TLR7: variants seen among roughly 807,000 people sequenced by gnomAD.
TLR7 encodes the protein toll-like receptor 7.
Under a neutral mutation model 38.3 loss-of-function variants are expected in TLR7, and 12 were observed. The ratio of observed to expected loss-of-function variants is 0.31; its 90% CI spans 0.20 to 0.51. The LOEUF is 0.51. Among genes scored for constraint, TLR7 ranks in the 20% least tolerant of loss-of-function variants. The pLI, the probability that TLR7 is intolerant of heterozygous loss-of-function variation, is 0.98. For missense variants in TLR7, 504 were observed against 743.4 expected (o/e 0.68, Z 3.74); for synonymous variants, 285 against 293.8 (o/e 0.97, Z 0.31).
chrX:12,868,083 C>T (rs748565931), intron 2 of TLR7, among the ~76,000 whole-genome samples: 8 of 112,115 alleles, frequency 7.1e-5, no homozygotes, highest in East Asian at 2.8e-4. Context: ...CTATTGCAAT[C>T]GGCAGAAAGA....
chrX:12,886,929 G>C lies in TLR7; in HGVS notation c.1421G>C (p.Ser474Thr). 1 of 1,210,142 alleles carries C rather than the reference G, an allele frequency of 8.3e-7. No homozygotes were observed. Among genetic ancestry groups the C allele is most frequent in the South Asian group, 1.8e-5 (1 of 56,551 alleles). ...HYFRYDKYAR[S>T]CRFKNKEASF... ...TTCAGATATGATAAGTATGCAAGGA[G>C]TTGCAGATTCAAAAACAAAGAGGCT... The change falls in exon 3 of 3, where the codon AGT becomes ACT. Residue 474 changes from serine (S) to threonine (T), a missense_variant. Physicochemically the swap from Ser to Thr is moderately conservative, Grantham distance 58. Transcript: ENST00000380659.
Position 12,867,553 on chromosome X carries a change from CAT to C in TLR7, c.-25_-24del, listed in dbSNP as rs1187477282. The C allele has an allele frequency of 8.3e-7, 1 of 1,207,366 alleles. No homozygotes were observed. The highest frequency in any genetic ancestry group is 1.1e-6 in the Non-Finnish European group (1 of 891,670). ...TCTGCTCTCTTCAACCAGACCTCTA[CAT>C]TCCATTTTGGAAGAAGACTAAAAAT... is the stretch of plus-strand genomic sequence containing the variant. On this transcript the variant is annotated 5_prime_UTR_variant, in exon 2 of 3. It removes the in-frame stop codon of an upstream open reading frame in the 5' UTR. Transcript: ENST00000380659.
chrX:12,884,224 C>T (rs1175146170), intron 2 of TLR7, among the ~76,000 whole-genome samples: 1 of 112,038 alleles, frequency 8.9e-6, no homozygotes, highest in Non-Finnish European at 1.9e-5. Flanking sequence ...AAGCGATCCG[C>T]CTGCCTTGTC....
At position 12,884,295 on chromosome X, in the gene TLR7, T is replaced by C. The variant is rs370886438; in HGVS notation, c.4-1217T>C. ...ACATCTGGTGGAAGTAGGCATTTGG[T>C]TTCTTAGATAACAACATGATTGGTT... is the stretch of plus-strand genomic sequence containing the variant. On this transcript the variant is annotated intron_variant, in intron 2 of 2. Transcript: ENST00000380659. Among the ~76,000 whole-genome samples, 3 of 112,098 alleles carry C rather than the reference T, an allele frequency of 2.7e-5. No homozygotes were observed. The East Asian group carries it at 8.4e-4, about 31-fold the overall frequency.
chrX:12,885,785 G>C lies in TLR7; in HGVS notation c.277G>C (p.Glu93Gln). The C allele has an allele frequency of 8.3e-7, 1 of 1,211,993 alleles. No homozygotes were observed. Among genetic ancestry groups the C allele is most frequent in the African/African-American group, 1.7e-5 (1 of 57,835 alleles). Residue 93 changes from glutamate to glutamine, a missense_variant, in exon 3 of 3, where the codon GAG becomes CAG. Coordinates refer to ENST00000380659, the MANE Select transcript of TLR7 (RefSeq NM_016562.4). ...CTTTCACAGACTGGACCATCTGGTA[G>C]AGATCGATTTCAGATGCAACTGTGT... ...ASFHRLDHLV[E>Q]IDFRCNCVPI...
intron 2 of TLR7, among the ~76,000 whole-genome samples, chrX:12,882,489 AT>A (rs763577592): frequency 1.0e-3 from 113 of 111,146 alleles, no homozygotes; most frequent in Non-Finnish European, 9.8e-4. Flanking sequence ...TTGCATTCTA[AT>A]TTATAATATG....
At chrX:12,867,851 T>C (rs2042839089) in intron 2 of TLR7, among the ~76,000 whole-genome samples, 1 of 112,700 alleles carries the variant, frequency 8.9e-6, no homozygotes, top group Admixed American at 9.4e-5. Context: ...ATAGCTTCTA[T>C]GTATCTCATT....
Position 12,887,616 on chromosome X carries a change from C to T in TLR7, c.2108C>T (p.Thr703Ile), listed in dbSNP as rs1569109827. 3 of 1,210,186 alleles carry T rather than the reference C, an allele frequency of 2.5e-6. No homozygotes were observed. Among genetic ancestry groups the T allele is most frequent in the African/African-American group, 1.7e-5 (1 of 57,640 alleles). The change falls in exon 3 of 3, where the codon ACT becomes ATT. Residue 703 changes from threonine to isoleucine, a missense_variant. By Grantham distance (89) the Thr-to-Ile change is moderately conservative (BLOSUM62 -1). Transcript: ENST00000380659. ...KKLQCLKNLE[T>I]LDLSHNQLTT... ...CTCCAGTGTCTAAAGAACCTGGAAACTTTGGACCTCAGCCACAACCAACTG... is the reference window on the plus strand; with the variant it reads ...CTCCAGTGTCTAAAGAACCTGGAAATTTTGGACCTCAGCCACAACCAACTG...
chrX:12,879,954 GA>G (rs2042885480), intron 2 of TLR7, among the ~76,000 whole-genome samples: 1 of 111,872 alleles, frequency 8.9e-6, no homozygotes, highest in Non-Finnish European at 1.9e-5. Flanking sequence ...CAAAATTAAA[GA>G]TAAAAAATAT....
intron 2 of TLR7, among the ~76,000 whole-genome samples, chrX:12,875,475 G>A: frequency 8.9e-6 from 1 of 112,100 alleles, no homozygotes; most frequent in Non-Finnish European, 1.9e-5. Flanking sequence ...TCCACAAAAT[G>A]CCCTCATGTA....
intron 2 of TLR7, among the ~76,000 whole-genome samples, chrX:12,872,905 T>A: frequency 9.1e-6 from 1 of 109,616 alleles, no homozygotes; most frequent in Non-Finnish European, 1.9e-5. Flanking sequence ...CCTTCTCAAA[T>A]GTAAGTCAGA....
At chrX:12,883,738 A>G (rs2042900467) in intron 2 of TLR7, among the ~76,000 whole-genome samples, 1 of 110,880 alleles carries the variant, frequency 9.0e-6, no homozygotes, top group Non-Finnish European at 1.9e-5. Context: ...ATCTCAGCTG[A>G]TATTATGTCA....
intron 2 of TLR7, among the ~76,000 whole-genome samples, chrX:12,873,089 A>AT (rs1474522399): frequency 9.0e-6 from 1 of 111,408 alleles, no homozygotes; most frequent in Non-Finnish European, 1.9e-5. Context: ...CCCCGTTGCC[A>AT]TTTTTGTGAA....
intron 2 of TLR7, among the ~76,000 whole-genome samples, chrX:12,884,823 A>C (rs2042904323): frequency 8.9e-6 from 1 of 112,541 alleles, no homozygotes; most frequent in African/African-American, 3.2e-5. Flanking sequence ...ATGTAAACCC[A>C]ATGTGTAGGG....
chrX:12,883,806 T>C (rs935988017), intron 2 of TLR7, among the ~76,000 whole-genome samples: 1 of 110,713 alleles, frequency 9.0e-6, no homozygotes, highest in Admixed American at 9.6e-5. Flanking sequence ...AGCTGGACTC[T>C]CAATGTTTTT....
chrX:12,886,903 T>C lies in TLR7; in HGVS notation c.1395T>C (p.Tyr465=). Residue 465 remains tyrosine, a synonymous_variant, in exon 3 of 3, where the codon TAT becomes TAC. Transcript: ENST00000380659. Reference sequence around the variant, plus strand: ...CCCAGGTCCTGGAACAATTACATTATTTCAGATATGATAAGTATGCAAGGA... The same window carrying C: ...CCCAGGTCCTGGAACAATTACATTACTTCAGATATGATAAGTATGCAAGGA... ...YEPQVLEQLH[Y]FRYDKYARSC... is the part of the protein sequence containing the mutation. The C allele has an allele frequency of 5.0e-6, 6 of 1,208,221 alleles. No individual in the cohort carries two copies. Among genetic ancestry groups the C allele is most frequent in the Non-Finnish European group, 6.7e-6 (6 of 893,547 alleles).
rs1027465034 is a variant in TLR7, at chrX:12,868,798, G to A, written c.3+1217G>A. On this transcript the variant is annotated intron_variant, in intron 2 of 2. Transcript: ENST00000380659. Reference sequence around the variant, plus strand: ...GCTCATTTTGTGTCAAAGTTCTAATGAAGCATTAACCATGGGGCTATTGTT... The same window carrying A: ...GCTCATTTTGTGTCAAAGTTCTAATAAAGCATTAACCATGGGGCTATTGTT... Among the ~76,000 whole-genome samples, 6 of 111,482 alleles carry A rather than the reference G, an allele frequency of 5.4e-5. No homozygotes were observed. The Admixed American group carries it at 5.7e-4, about 11-fold the overall frequency.
At position 12,887,546 on chromosome X, in the gene TLR7, C is replaced by A. The variant is rs374819621; in HGVS notation, c.2038C>A (p.Leu680Ile). ...FDGMPPNLKN[L>I]SLAKNGLKSF... ...TGGTATGCCTCCAAATCTAAAGAAT[C>A]TCTCTTTGGCCAAAAATGGGCTCAA... The change falls in exon 3 of 3, where the codon CTC becomes ATC. Residue 680 changes from leucine (L) to isoleucine (I), a missense_variant. Transcript: ENST00000380659. The A allele has an allele frequency of 3.3e-6, 4 of 1,209,627 alleles. No homozygotes were observed. In the African/African-American group the frequency reaches 7.0e-5, roughly 21 times the overall value.
At chrX:12,868,710 T>C (rs1042412365) in intron 2 of TLR7, among the ~76,000 whole-genome samples, 2 of 111,734 alleles carry the variant, frequency 1.8e-5, no homozygotes, top group Admixed American at 1.9e-4. Context: ...GTCAAGGGCC[T>C]TTTTCTGAAA....
Sources: allele counts gnomAD v4.1 joint callset (sites outside exome capture counted in the v4.1 genomes callset), GRCh38; gene constraint gnomAD v4.1.1; transcripts MANE v1.5; gene names NCBI Gene and HGNC (gene_info 2026-07-23, HGNC 2026-07-21).